Variants in FKBP6 observed in about 807,000 individuals in gnomAD.
The protein encoded by FKBP6 is FKBP prolyl isomerase family member 6 (inactive), also known as inactive peptidyl-prolyl cis-trans isomerase FKBP6.
In FKBP6, 29 loss-of-function variants were observed where a neutral mutation model predicts 41.7. That is an observed-to-expected ratio of 0.70 (90% CI 0.52 to 0.95). The LOEUF is 0.95. Ranked by LOEUF, FKBP6 falls within the 40% of genes least tolerant of loss-of-function variation. The probability of loss-of-function intolerance (pLI) is 0.00; values close to 1 mark genes in which losing one functional copy is unlikely to be tolerated. For synonymous variants in FKBP6, 130 were observed against 165.1 expected (o/e 0.79, Z 1.63); for missense variants, 338 against 408.7 (o/e 0.83, Z 1.49).
chr7:73,356,049 G>C (rs1239319162), intron 8 of FKBP6, among the ~76,000 whole-genome samples: 7 of 108,728 alleles, frequency 6.4e-5, no homozygotes, highest in African/African-American at 2.5e-4. Context: ...CTGGGCGACA[G>C]AGCAAGACTC....
At chr7:73,328,836 T>C in intron 2 of FKBP6, 144 bp downstream of exon 2, 4 of 1,439,512 alleles carry the variant, frequency 2.8e-6, no homozygotes, top group Non-Finnish European at 3.9e-6. Context: ...TGAAACGGGG[T>C]CTTGCTCAGT....
chr7:73,351,465 G>T (rs1338423339), intron 8 of FKBP6, among the ~76,000 whole-genome samples: 1 of 152,112 alleles, frequency 6.6e-6, no homozygotes, highest in African/African-American at 2.4e-5. Context: ...TGAAGGCCAT[G>T]CCCTGTTCCA....
At chr7:73,331,837 A>C in intron 5 of FKBP6, 61 bp downstream of exon 5, 2 of 1,533,886 alleles carry the variant, frequency 1.3e-6, no homozygotes, top group Non-Finnish European at 9.0e-7. Context: ...TGTTTAAAAA[A>C]CACAGATTTT....
At chr7:73,342,348 A>T (rs1805216221) in intron 7 of FKBP6, among the ~76,000 whole-genome samples, 1 of 152,228 alleles carries the variant, frequency 6.6e-6, no homozygotes, top group South Asian at 2.1e-4. Flanking sequence ...CCAGATTGCT[A>T]GTTAAAGCTT....
chr7:73,329,122 G>C (rs1554547008), intron 2 of FKBP6, among the ~76,000 whole-genome samples: 2 of 152,064 alleles, frequency 1.3e-5, no homozygotes, highest in African/African-American at 4.8e-5. Context: ...GTTTTTTTAA[G>C]ACGAAAGCTA....
Position 73,328,223 on chromosome 7 carries a change from T to G in FKBP6, c.-206T>G, listed in dbSNP as rs1554546611. The G allele has an allele frequency of 6.5e-7, 1 of 1,548,984 alleles. No homozygotes were observed. Among genetic ancestry groups the G allele is most frequent in the Non-Finnish European group, 8.7e-7 (1 of 1,146,576 alleles). ...GCACCTCACCGCGTGGCCTCTGTAG[T>G]TCCAGAGCTCGCGAGGGCCAGGGCC... On this transcript the variant is annotated 5_prime_UTR_variant, in exon 1 of 9. Coordinates refer to ENST00000252037, the MANE Select transcript of FKBP6 (RefSeq NM_003602.5).
At chr7:73,342,386 T>TGTCTGAA (rs767251116) in intron 7 of FKBP6, among the ~76,000 whole-genome samples, 8 of 152,250 alleles carry the variant, frequency 5.3e-5, no homozygotes, top group Non-Finnish European at 1.0e-4. Flanking sequence ...GAGATGTGAG[T>TGTCTGAA]ATCTCTTAGG....
chr7:73,344,184 A>T (rs981173554), intron 8 of FKBP6, among the ~76,000 whole-genome samples: 2 of 152,200 alleles, frequency 1.3e-5, no homozygotes, highest in Non-Finnish European at 2.9e-5. Flanking sequence ...CTGTTTGCCA[A>T]ACATTTTGGA....
At position 73,341,347 on chromosome 7, in the gene FKBP6, T is replaced by A. The variant is rs1805179846; in HGVS notation, c.858T>A (p.Asn286Lys). ...GAGCCCAGAAGGAGCAACCCTTCAATCATGACATCAATAATGAGCTGAAGA... is the reference window on the plus strand; with the variant it reads ...GAGCCCAGAAGGAGCAACCCTTCAAACATGACATCAATAATGAGCTGAAGA... ...LVRAQKEQPF[N>K]HDINNELKKL... Residue 286 changes from asparagine (N) to lysine (K), a missense_variant, in exon 7 of 9, where the codon AAT becomes AAA. This residue lies in a region of FKBP6 where 239 missense variants were observed against 250.1 expected (regional missense o/e 0.96). Transcript: ENST00000252037. 1 of 1,612,756 alleles carries A rather than the reference T, an allele frequency of 6.2e-7. No individual in the cohort carries two copies.
intron 8 of FKBP6, among the ~76,000 whole-genome samples, chr7:73,345,325 C>T (rs1287547161): frequency 3.3e-5 from 5 of 151,922 alleles, no homozygotes; most frequent in African/African-American, 1.2e-4. Flanking sequence ...GACCAGGCAG[C>T]TCTGAGGGCC....
chr7:73,346,660 G>T, intron 8 of FKBP6, among the ~76,000 whole-genome samples: 1 of 152,196 alleles, frequency 6.6e-6, no homozygotes, highest in Non-Finnish European at 1.5e-5. Context: ...ATTTAAAGTG[G>T]CAGGACCATC....
chr7:73,331,594 A>G (rs1804844016), intron 4 of FKBP6, 63 bp from the exon 5 acceptor site: 2 of 1,594,462 alleles, frequency 1.3e-6, no homozygotes, highest in Admixed American at 1.7e-5. Context: ...GTGTACTAAC[A>G]CTTCCATTGT....
intron 6 of FKBP6, 149 bp from the exon 7 acceptor site, chr7:73,341,124 G>A (rs111402681): frequency 2.2e-5 from 17 of 758,586 alleles, no homozygotes; most frequent in Admixed American, 3.6e-5. Flanking sequence ...GGGTTTTGCC[G>A]TGTTGGCCAG....
Position 73,331,653 on chromosome 7 carries a change from T to C in FKBP6, c.469-4T>C. The C allele has an allele frequency of 6.2e-7, 1 of 1,613,964 alleles. No individual in the cohort carries two copies. The highest frequency in any genetic ancestry group is 8.5e-7 in the Non-Finnish European group (1 of 1,179,888). ...TGCTGAATATTCCTGTCTCTGGTCCTCAGGAGCAGCAAGACCAATTTCCAC... is the reference window on the plus strand; with the variant it reads ...TGCTGAATATTCCTGTCTCTGGTCCCCAGGAGCAGCAAGACCAATTTCCAC... On this transcript the variant is annotated splice_polypyrimidine_tract_variant and splice_region_variant and intron_variant, in intron 4 of 8. Transcript: ENST00000252037.
chr7:73,331,805 GT>G, intron 5 of FKBP6, 29 bp downstream of exon 5: 1 of 1,604,112 alleles, frequency 6.2e-7, no homozygotes, highest in Non-Finnish European at 8.5e-7. Context: ...TTAAGTGTAA[GT>G]TTAGATCCTG....
chr7:73,336,584 T>C (rs1167083100), intron 5 of FKBP6, among the ~76,000 whole-genome samples: 1 of 152,146 alleles, frequency 6.6e-6, no homozygotes, highest in African/African-American at 2.4e-5. Context: ...AATGTCACTT[T>C]GGTAGTTTGA....
At chr7:73,358,123 G>C (rs1554552218) in intron 8 of FKBP6, 58 bp from the exon 9 acceptor site, 1 of 152,078 alleles carries the variant, frequency 6.6e-6, no homozygotes, top group East Asian at 1.9e-4. Flanking sequence ...ATGTGACTGT[G>C]ACGTCGTGTG....
intron 8 of FKBP6, among the ~76,000 whole-genome samples, chr7:73,355,147 G>A (rs782768613): frequency 3.3e-5 from 5 of 152,156 alleles, no homozygotes; most frequent in Non-Finnish European, 7.3e-5. Context: ...TGCCTTTTCC[G>A]AGGCCTGGGG....
chr7:73,355,082 G>A (rs919888385), intron 8 of FKBP6, among the ~76,000 whole-genome samples: 1 of 152,200 alleles, frequency 6.6e-6, no homozygotes, highest in Admixed American at 6.5e-5. Context: ...TATGTTGTGC[G>A]ATTATGGTGG....
Sources: gnomAD v4.1 joint callset for allele counts (sites outside exome capture counted in the v4.1 genomes callset) on GRCh38, gnomAD v4.1.1 for gene constraint, gnomAD v4.1.1 regional missense constraint, MANE v1.5 for transcripts, NCBI Gene and HGNC (gene_info 2026-07-23, HGNC 2026-07-21) for gene names.